The following XKR4 variants were observed in gnomAD, a reference collection of about 807,000 sequenced individuals.
The protein encoded by XKR4 is XK-related protein 4.
In XKR4, 12 loss-of-function variants were observed where a neutral mutation model predicts 53.9. The ratio of observed to expected loss-of-function variants is 0.22; its 90% confidence interval spans 0.14 to 0.36. XKR4 has a LOEUF of 0.36. Among genes scored for constraint, XKR4 ranks in the 10% least tolerant of loss-of-function variants. The pLI, the probability that XKR4 is intolerant of heterozygous loss-of-function variation, is 1.00. For synonymous variants in XKR4, 354 were observed against 362.4 expected (o/e 0.98, Z 0.26); for missense variants, 799 against 859.5 (o/e 0.93, Z 0.88).
At chr8:55,444,929 T>C (rs1387443599) in intron 2 of XKR4, among the ~76,000 whole-genome samples, 1 of 152,190 alleles carries the variant, frequency 6.6e-6, no homozygotes, top group Non-Finnish European at 1.5e-5. Context: ...CAAAACAACC[T>C]AGATGTCCAT....
chr8:55,433,127 T>C (rs1320280120), intron 2 of XKR4, among the ~76,000 whole-genome samples: 1 of 152,242 alleles, frequency 6.6e-6, no homozygotes, highest in East Asian at 1.9e-4. Context: ...AACAATTTTT[T>C]TCCCAGCCCA....
Position 55,535,830 on chromosome 8 carries a change from T to C in XKR4, c.*11603T>C, listed in dbSNP as rs1807024448. ...AGTGGGAAAACAGAGATGTCAGTGG[T>C]GTCATGTCTAAGAGTGACTCTGTCA... On this transcript the variant is annotated 3_prime_UTR_variant, in exon 3 of 3. Transcript: ENST00000327381. 1 of 152,282 alleles carries C rather than the reference T, an allele frequency of 6.6e-6. No homozygotes were observed. Among genetic ancestry groups the C allele is most frequent in the South Asian group, 2.1e-4 (1 of 4,838 alleles). 9.4% of individuals were successfully genotyped at this position (152,282 alleles called of 1,614,324 possible).
intron 1 of XKR4, among the ~76,000 whole-genome samples, chr8:55,334,829 G>A (rs776837781): frequency 9.9e-5 from 15 of 152,128 alleles, no homozygotes; most frequent in Admixed American, 2.6e-4. Flanking sequence ...CTGAAGGACT[G>A]GGGTTATGTG....
At chr8:55,212,970 G>A (rs564868299) in intron 1 of XKR4, among the ~76,000 whole-genome samples, 2 of 152,316 alleles carry the variant, frequency 1.3e-5, no homozygotes, top group South Asian at 2.1e-4. Flanking sequence ...CACACTGTGA[G>A]ATAAAGGTAT....
intron 1 of XKR4, among the ~76,000 whole-genome samples, chr8:55,270,098 G>A (rs1380538911): frequency 6.6e-6 from 1 of 152,178 alleles, no homozygotes. Flanking sequence ...TTCCACAGAG[G>A]ATGGAACCCT....
intron 1 of XKR4, among the ~76,000 whole-genome samples, chr8:55,289,699 A>AAGAAAG (rs1818971926): frequency 1.6e-5 from 2 of 125,594 alleles, no homozygotes; most frequent in African/African-American, 5.5e-5. Context: ...AAGAAAGAGA[A>AAGAAAG]AGAAAGAAAG....
intron 1 of XKR4, among the ~76,000 whole-genome samples, chr8:55,127,271 G>A (rs901331708): frequency 7.5e-6 from 1 of 133,842 alleles, no homozygotes; most frequent in African/African-American, 2.8e-5. Context: ...TTTTAATTTT[G>A]AGACAGAGTC....
At chr8:55,271,830 A>C (rs1013087) in intron 1 of XKR4, among the ~76,000 whole-genome samples, 1 of 152,070 alleles carries the variant, frequency 6.6e-6, no homozygotes, top group Non-Finnish European at 1.5e-5. Flanking sequence ...GTTTTTGTTT[A>C]GCTTCCTGGA....
chr8:55,260,333 A>C (rs1353245749), intron 1 of XKR4, among the ~76,000 whole-genome samples: 2 of 152,174 alleles, frequency 1.3e-5, no homozygotes, highest in African/African-American at 4.8e-5. Context: ...TTGTGACCTC[A>C]ATTAAACAAG....
intron 1 of XKR4, among the ~76,000 whole-genome samples, chr8:55,295,175 C>A (rs1191236425): frequency 6.6e-6 from 1 of 152,196 alleles, no homozygotes; most frequent in East Asian, 1.9e-4. Flanking sequence ...GCCACGAGTT[C>A]TCTTCCTCCA....
At chr8:55,384,829 A>C (rs955834443) in intron 2 of XKR4, among the ~76,000 whole-genome samples, 1 of 152,198 alleles carries the variant, frequency 6.6e-6, no homozygotes. Context: ...AATCATTCTG[A>C]CTCTTTAGCA....
intron 2 of XKR4, among the ~76,000 whole-genome samples, chr8:55,471,014 T>C (rs1805873202): frequency 6.6e-6 from 1 of 152,146 alleles, no homozygotes; most frequent in Admixed American, 6.6e-5. Context: ...TAGACTTTTG[T>C]CCTGGAAAGG....
rs1454061562 is a variant in XKR4 at position 55,536,427 on chromosome 8, TA to T, written c.*12203del. ...AAGTAGACAAGGAGTTATTAAAAAA[TA>T]AAGACTGTCCACATGACTGCAAATA... On this transcript the variant is annotated 3_prime_UTR_variant, in exon 3 of 3. Coordinates refer to ENST00000327381, the MANE Select transcript of XKR4 (RefSeq NM_052898.2). 6.6e-6 allele frequency: 1 copy of T among 152,190 alleles called. No homozygotes were observed. Among genetic ancestry groups the T allele is most frequent in the East Asian group, 1.9e-4 (1 of 5,200 alleles). The allele number at this position is 152,190 out of a possible 1,614,324, so 9.4% of individuals were successfully genotyped here. A position where few individuals can be genotyped will look rare whatever the true frequency, so the allele number is the denominator to read the frequency against.
chr8:55,308,126 G>A (rs773420397), intron 1 of XKR4, among the ~76,000 whole-genome samples: 1 of 152,034 alleles, frequency 6.6e-6, no homozygotes, highest in Non-Finnish European at 1.5e-5. Context: ...GGTGGCATGT[G>A]CCTGTAGTCC....
intron 1 of XKR4, among the ~76,000 whole-genome samples, chr8:55,155,156 T>G (rs1181570964): frequency 2.0e-5 from 3 of 152,196 alleles, no homozygotes; most frequent in Non-Finnish European, 1.5e-5. Flanking sequence ...GGTGTCAGTC[T>G]GAAAACACAT....
rs926956195 is a variant in XKR4 at position 55,534,931 on chromosome 8, G to C, written c.*10704G>C. 4 of 152,076 alleles carry C rather than the reference G, an allele frequency of 2.6e-5. No homozygotes were observed. Among genetic ancestry groups the C allele is most frequent in the Non-Finnish European group, 5.9e-5 (4 of 68,018 alleles). 9.4% of individuals were successfully genotyped at this position (152,076 alleles called of 1,614,324 possible). On this transcript the variant is annotated 3_prime_UTR_variant, in exon 3 of 3. Transcript: ENST00000327381. ...ATAACAATTTTAGGAGTTCACCCTA[G>C]ATGAAAGAGTGGAAGTCATCAGATT...
intron 1 of XKR4, among the ~76,000 whole-genome samples, chr8:55,157,369 C>A (rs1185942376): frequency 6.6e-6 from 1 of 152,084 alleles, no homozygotes; most frequent in South Asian, 2.1e-4. Context: ...CTAAATAACA[C>A]TAGATAACAT....
chr8:55,471,155 C>A (rs541152657), intron 2 of XKR4, among the ~76,000 whole-genome samples: 3 of 152,092 alleles, frequency 2.0e-5, no homozygotes, highest in Non-Finnish European at 4.4e-5. Context: ...TCAGTACCTA[C>A]GTGTCTGGTG....
At chr8:55,454,688 G>T in intron 2 of XKR4, 1 of 894,850 alleles carries the variant, frequency 1.1e-6, no homozygotes, top group Non-Finnish European at 1.9e-6. Flanking sequence ...AACACATTCA[G>T]GCCCTCCACG....
Sources: gnomAD v4.1 joint callset for allele counts (sites outside exome capture counted in the v4.1 genomes callset) on GRCh38, gnomAD v4.1.1 for gene constraint, MANE v1.5 for transcripts, NCBI Gene and HGNC (gene_info 2026-07-23, HGNC 2026-07-21) for gene names.